Variants in TENM3 observed in about 807,000 individuals in gnomAD.
TENM3 encodes teneurin transmembrane protein 3, also known as teneurin-3.
A neutral mutation model predicts 255.1 loss-of-function variants in TENM3; 63 were observed. The observed-to-expected ratio is 0.25, with a 90% CI of 0.20 to 0.30. TENM3 has a LOEUF of 0.30. TENM3 is among the 10% of genes least tolerant of loss of function. The pLI is 1.00. For missense variants in TENM3, 2,929 were observed against 3,461.1 expected (o/e 0.85, Z 3.86); for synonymous variants, 1,306 against 1,322.3 (o/e 0.99, Z 0.27).
intron 1 of TENM3, among the ~76,000 whole-genome samples, chr4:182,298,139 T>C (rs1761612323): frequency 6.6e-6 from 1 of 152,354 alleles, no homozygotes; most frequent in Middle Eastern, 3.4e-3. Context: ...ATAGCACCTG[T>C]CGCCACTTAT....
chr4:182,443,723 A>G (rs1219422866), intron 3 of TENM3, among the ~76,000 whole-genome samples: 1 of 152,090 alleles, frequency 6.6e-6, no homozygotes, highest in Non-Finnish European at 1.5e-5. Context: ...AGACCTCATC[A>G]CACACACCCA....
chr4:181,846,827 AACTACC>A, the TENM3 span, among the ~76,000 whole-genome samples: 1 of 152,216 alleles, frequency 6.6e-6, no homozygotes, highest in Non-Finnish European at 1.5e-5. Flanking sequence ...GTATTACAAC[AACTACC>A]ACAGGTTGAT....
chr4:182,452,431 T>C (rs923944047), intron 3 of TENM3, among the ~76,000 whole-genome samples: 1 of 152,190 alleles, frequency 6.6e-6, no homozygotes, highest in Non-Finnish European at 1.5e-5. Flanking sequence ...TTCAGTGGCC[T>C]GGTTCTTAGC....
the TENM3 span, among the ~76,000 whole-genome samples, chr4:181,700,584 G>A: frequency 1.3e-5 from 2 of 152,194 alleles, no homozygotes; most frequent in Non-Finnish European, 2.9e-5. Flanking sequence ...GGATTTTGAT[G>A]AAATATTTAA....
At chr4:182,144,641 C>T (rs1202468061), upstream of TENM3, 1 of 147,794 alleles carries the variant, frequency 6.8e-6, no homozygotes, top group Non-Finnish European at 1.5e-5. Flanking sequence ...GCGGGGCCCC[C>T]CTCCCCCGCG....
the TENM3 span, among the ~76,000 whole-genome samples, chr4:181,493,819 C>T: frequency 2.9e-4 from 44 of 152,174 alleles, no homozygotes; most frequent in Middle Eastern, 3.4e-3. Context: ...CTTTGACATT[C>T]GCCTACGTAC....
chr4:182,652,495 T>C (rs1333404326), intron 5 of TENM3, among the ~76,000 whole-genome samples: 1 of 152,224 alleles, frequency 6.6e-6, no homozygotes, highest in African/African-American at 2.4e-5. Context: ...CCTTCTCACC[T>C]GAGCTTAAAT....
At chr4:182,525,263 A>G (rs1739038393) in intron 3 of TENM3, among the ~76,000 whole-genome samples, 1 of 152,214 alleles carries the variant, frequency 6.6e-6, no homozygotes, top group Non-Finnish European at 1.5e-5. Flanking sequence ...TCCATAGTCT[A>G]TTAAAAATAT....
the TENM3 span, among the ~76,000 whole-genome samples, chr4:181,879,768 T>G: frequency 6.6e-6 from 1 of 152,210 alleles, no homozygotes; most frequent in African/African-American, 2.4e-5. Flanking sequence ...CCCTGAACTC[T>G]TATTCCCTCT....
At chr4:181,915,106 G>A in the TENM3 span, among the ~76,000 whole-genome samples, 1 of 152,154 alleles carries the variant, frequency 6.6e-6, no homozygotes, top group African/African-American at 2.4e-5. Flanking sequence ...GAGATCAGGA[G>A]GACAAGGCAT....
At chr4:181,616,108 G>A in the TENM3 span, among the ~76,000 whole-genome samples, 1 of 151,778 alleles carries the variant, frequency 6.6e-6, no homozygotes. Context: ...TGTCAACAGA[G>A]ACAATTTGTT....
At chr4:181,894,173 A>G in the TENM3 span, among the ~76,000 whole-genome samples, 5 of 152,200 alleles carry the variant, frequency 3.3e-5, no homozygotes, top group Non-Finnish European at 7.3e-5. Context: ...TGAGGCAATG[A>G]TGATGTTACT....
intron 1 of TENM3, among the ~76,000 whole-genome samples, chr4:182,159,948 G>A (rs750225104): frequency 1.3e-5 from 2 of 152,198 alleles, no homozygotes; most frequent in Non-Finnish European, 2.9e-5. Flanking sequence ...CCAGATAACA[G>A]GGATGCTTTG....
At chr4:182,356,981 T>C (rs13140319) in intron 3 of TENM3, among the ~76,000 whole-genome samples, 17,280 of 151,676 alleles carry the variant, frequency 0.11, 1,123 homozygotes, top group Non-Finnish European at 0.14. Flanking sequence ...GGTTTTTTGT[T>C]CTTGCAATAG....
intron 11 of TENM3, 38 bp downstream of exon 11, chr4:182,682,052 T>C (rs1756221454): frequency 1.3e-6 from 2 of 1,544,956 alleles, no homozygotes; most frequent in East Asian, 4.5e-5. Flanking sequence ...AGTTGCTTAA[T>C]ACTGTTTGGC....
At chr4:181,780,873 T>C in the TENM3 span, among the ~76,000 whole-genome samples, 5 of 152,318 alleles carry the variant, frequency 3.3e-5, no homozygotes, top group South Asian at 8.3e-4. Flanking sequence ...ATTTATTAAA[T>C]AGGGAATCCT....
chr4:182,250,173 C>T lies in TENM3; in HGVS notation c.-76+6697C>T, dbSNP rs570647591. Among the ~76,000 whole-genome samples the T allele has an allele frequency of 7.1e-3, 1,071 of 151,812 alleles. 7 individuals carry two copies. The highest frequency in any genetic ancestry group is 0.012 in the Non-Finnish European group (793 of 67,948). On this transcript the variant is annotated intron_variant, in intron 1 of 27. Coordinates refer to ENST00000511685, the MANE Select transcript of TENM3 (RefSeq NM_001080477.4). ...GTTCACGCCATTCTCCTGCCTCAGC[C>T]TCCCGAGTAGCTGGGACCACAGGCG...
chr4:181,566,585 C>T, the TENM3 span, among the ~76,000 whole-genome samples: 2 of 152,214 alleles, frequency 1.3e-5, no homozygotes, highest in African/African-American at 2.4e-5. Flanking sequence ...TGCAGGATCT[C>T]GTAGCATTGG....
chr4:182,076,434 C>A, the TENM3 span, among the ~76,000 whole-genome samples: 1 of 152,070 alleles, frequency 6.6e-6, no homozygotes, highest in South Asian at 2.1e-4. Flanking sequence ...GATCACTTGA[C>A]CTCGTGATCC....
Sources: gnomAD v4.1 joint callset for allele counts (sites outside exome capture counted in the v4.1 genomes callset) on GRCh38, gnomAD v4.1.1 for gene constraint, MANE v1.5 for transcripts, NCBI Gene and HGNC (gene_info 2026-07-23, HGNC 2026-07-21) for gene names.